Variants in FIP1L1 observed in about 807,000 individuals in gnomAD.
FIP1L1 encodes the protein pre-mRNA 3'-end-processing factor FIP1.
In FIP1L1, 21 loss-of-function variants were observed where a neutral mutation model predicts 84.6. The ratio of observed to expected loss-of-function variants is 0.25; its 90% CI spans 0.18 to 0.36. The LOEUF (loss-of-function observed/expected upper bound fraction) is 0.36. FIP1L1 is among the 10% of genes least tolerant of loss of function. The pLI is 1.00. For synonymous variants in FIP1L1, 263 were observed against 242.3 expected (o/e 1.09, Z -0.80); for missense variants, 526 against 751.1 (o/e 0.70, Z 3.50).
chr4:53,397,708 G>A (rs1158174638), intron 9 of FIP1L1, among the ~76,000 whole-genome samples: 1 of 152,184 alleles, frequency 6.6e-6, no homozygotes, highest in Non-Finnish European at 1.5e-5. Context: ...TTTCCAGGAG[G>A]GTTACTGATC....
At chr4:53,440,484 G>T in intron 13 of FIP1L1, 1 of 697,730 alleles carries the variant, frequency 1.4e-6, no homozygotes, top group South Asian at 1.8e-5. Context: ...ATAATGAGGC[G>T]AGGGGTTTTA....
At chr4:53,401,491 C>T (rs1314741506) in intron 10 of FIP1L1, among the ~76,000 whole-genome samples, 1 of 152,156 alleles carries the variant, frequency 6.6e-6, no homozygotes, top group Non-Finnish European at 1.5e-5. Context: ...TAGGAGGTTG[C>T]AGCAATTATC....
chr4:53,460,055 A>AAATT lies in FIP1L1; in HGVS notation c.*616_*619dup, dbSNP rs5858213. 5.1e-6 allele frequency: 1 copy of AAATT among 197,220 alleles called. No homozygotes were observed. The highest frequency in any genetic ancestry group is 6.1e-5 in the Admixed American group (1 of 16,498). 12.2% of individuals were successfully genotyped at this position (197,220 alleles called of 1,614,324 possible). A position where few individuals can be genotyped will look rare whatever the true frequency, so the allele number is the denominator to read the frequency against. Reference sequence around the variant, plus strand: ...GGCATCTGGGTGGCCTCTATGAAATAAATTAATTAATTACCCATAGTGTAG... The same window carrying AAATT: ...GGCATCTGGGTGGCCTCTATGAAATAAATTAATTAATTAATTACCCATAGTGTAG... On this transcript the variant is annotated 3_prime_UTR_variant, in exon 18 of 18. Coordinates refer to ENST00000337488, the MANE Select transcript of FIP1L1 (RefSeq NM_030917.4).
At chr4:53,439,669 C>G (rs79950911) in intron 13 of FIP1L1, among the ~76,000 whole-genome samples, 3,009 of 152,048 alleles carry the variant, frequency 0.02, 54 homozygotes, top group Non-Finnish European at 0.034. Flanking sequence ...TGGTATACAA[C>G]TTTTCATGAA....
At chr4:53,393,153 G>C (rs894628264) in intron 9 of FIP1L1, among the ~76,000 whole-genome samples, 1 of 152,146 alleles carries the variant, frequency 6.6e-6, no homozygotes, top group African/African-American at 2.4e-5. Flanking sequence ...TGAAGTGGCA[G>C]ATCTGGTATT....
intron 11 of FIP1L1, among the ~76,000 whole-genome samples, chr4:53,423,428 TA>T (rs1172592479): frequency 2.6e-5 from 4 of 152,236 alleles, no homozygotes; most frequent in Non-Finnish European, 5.9e-5. Context: ...GAAACTCTAT[TA>T]AATCTTCTTA....
chr4:53,383,362 C>CA (rs1382553873), intron 4 of FIP1L1, among the ~76,000 whole-genome samples: 1 of 151,976 alleles, frequency 6.6e-6, no homozygotes, highest in Non-Finnish European at 1.5e-5. Context: ...AATTGTATCT[C>CA]AAAAAAATAC....
intron 9 of FIP1L1, among the ~76,000 whole-genome samples, chr4:53,393,008 TTTTC>T (rs1455205151): frequency 6.6e-6 from 1 of 152,194 alleles, no homozygotes; most frequent in East Asian, 1.9e-4. Context: ...GGCAAACATT[TTTTC>T]TTTATGTATA....
intron 11 of FIP1L1, among the ~76,000 whole-genome samples, chr4:53,419,592 A>T (rs928192815): frequency 1.6e-4 from 24 of 151,954 alleles, no homozygotes; most frequent in African/African-American, 4.8e-4. Context: ...AGGCATGCCC[A>T]CCATGCTCGG....
intron 10 of FIP1L1, among the ~76,000 whole-genome samples, chr4:53,400,686 C>T (rs1044373544): frequency 6.6e-6 from 1 of 152,120 alleles, no homozygotes; most frequent in African/African-American, 2.4e-5. Flanking sequence ...ATAGTGGCAT[C>T]TAGTCTAGCT....
chr4:53,387,419 T>C (rs999402716), intron 5 of FIP1L1, among the ~76,000 whole-genome samples: 1 of 152,170 alleles, frequency 6.6e-6, no homozygotes, highest in South Asian at 2.1e-4. Flanking sequence ...GTGCTACTGC[T>C]CCCACCTCCC....
intron 15 of FIP1L1, among the ~76,000 whole-genome samples, chr4:53,451,779 T>A (rs1213159222): frequency 2.6e-5 from 4 of 152,174 alleles, no homozygotes; most frequent in Admixed American, 2.6e-4. Context: ...GTATATTGTT[T>A]ATTTGGATTT....
chr4:53,405,409 T>G (rs1344828349), intron 10 of FIP1L1, among the ~76,000 whole-genome samples: 12 of 152,220 alleles, frequency 7.9e-5, no homozygotes, highest in Non-Finnish European at 5.9e-5. Flanking sequence ...TTGGTTACTG[T>G]AGCCTTGTAG....
chr4:53,429,871 G>A (rs1008091530), intron 13 of FIP1L1, among the ~76,000 whole-genome samples: 2 of 152,110 alleles, frequency 1.3e-5, no homozygotes, highest in Non-Finnish European at 1.5e-5. Context: ...TCACCATGCT[G>A]TACAGTAGAG....
Position 53,430,250 on chromosome 4 carries a change from A to G in FIP1L1, c.1174+2067A>G, listed in dbSNP as rs116329609. 8.8e-3 allele frequency among the ~76,000 whole-genome samples: 1,341 copies of G among 152,292 alleles called. 22 individuals carry two copies. Among genetic ancestry groups the G allele is most frequent in the African/African-American group, 0.03 (1,264 of 41,544 alleles). On this transcript the variant is annotated intron_variant, in intron 13 of 17. Transcript: ENST00000337488. ...TACTTAGCTGGTATAAGAATATTCG[A>G]AACTCCGTAGAATATTGCTACAGAG...
chr4:53,408,354 GGA>G lies in FIP1L1; in HGVS notation c.816-6256_816-6255del, dbSNP rs1560521619. On this transcript the variant is annotated intron_variant, in intron 10 of 17. Transcript: ENST00000337488. ...CTCTTCTGGCTTGTAGAGTTTCTGC[GGA>G]GAGATCTGCTGTTAGTCTAATGGGC... Among the ~76,000 whole-genome samples, 302 of 152,154 alleles carry G rather than the reference GGA, an allele frequency of 2.0e-3. 2 individuals carry two copies. Among genetic ancestry groups the G allele is most frequent in the African/African-American group, 6.9e-3 (285 of 41,476 alleles).
intron 13 of FIP1L1, among the ~76,000 whole-genome samples, chr4:53,435,245 A>G (rs1441692634): frequency 6.6e-6 from 1 of 152,222 alleles, no homozygotes; most frequent in Non-Finnish European, 1.5e-5. Context: ...TTAAATGTAA[A>G]TTTAATAGAG....
chr4:53,389,455 CT>C (rs34929012), intron 5 of FIP1L1, among the ~76,000 whole-genome samples: 125,285 of 150,526 alleles, frequency 0.83, 54,383 homozygotes, highest in Non-Finnish European at 0.96. Flanking sequence ...ACAAGTCAGG[CT>C]TTTTTTTTTT....
chr4:53,460,741 T>A lies in FIP1L1; in HGVS notation c.*1292T>A. 1.6e-6 allele frequency: 1 copy of A among 642,168 alleles called. No individual in the cohort carries two copies. Among genetic ancestry groups the A allele is most frequent in the South Asian group, 2.4e-5 (1 of 42,494 alleles). The allele number at this position is 642,168 out of a possible 1,614,324, so 39.8% of individuals were successfully genotyped here. A position where few individuals can be genotyped will look rare whatever the true frequency, so the allele number is the denominator to read the frequency against. On this transcript the variant is annotated 3_prime_UTR_variant, in exon 18 of 18. Transcript: ENST00000337488. ...ACTAGTAGTTTTAATTTTTTTGGAA[T>A]CATATTTTCTGAGGTGTAACTGGCT...
Sources: gnomAD v4.1 joint callset for allele counts (sites outside exome capture counted in the v4.1 genomes callset) on GRCh38, gnomAD v4.1.1 for gene constraint, MANE v1.5 for transcripts, NCBI Gene and HGNC (gene_info 2026-07-23, HGNC 2026-07-21) for gene names.